The following CDH13 variants were observed in gnomAD, a reference collection of about 807,000 sequenced individuals.
CDH13 encodes cadherin-13.
In CDH13, 24 loss-of-function variants were observed where a neutral mutation model predicts 63.8. The ratio of observed to expected loss-of-function variants is 0.38; its 90% CI spans 0.27 to 0.53. The LOEUF (loss-of-function observed/expected upper bound fraction) is 0.53, where lower values mean the gene tolerates loss of function less well. Among genes scored for constraint, CDH13 ranks in the 20% least tolerant of loss-of-function variants. The pLI, the probability that CDH13 is intolerant of heterozygous loss-of-function variation, is 0.85. For synonymous variants in CDH13, 503 were observed against 355.3 expected, an observed-to-expected ratio of 1.42 and a Z score of -4.67; for missense variants, 1,049 against 903.1, an observed-to-expected ratio of 1.16 and a Z score of -2.07.
Position 82,627,575 on chromosome 16 carries a change from C to T in CDH13, c.45+438C>T, listed in dbSNP as rs537087076. On this transcript the variant is annotated intron_variant, in intron 1 of 13. Transcript: ENST00000567109. ...CCAACGCCCAGCGGCCGAAGCGCTG[C>T]TCGGGTCCGGATTGCGGGATGCGGG... Among the ~76,000 whole-genome samples the T allele has an allele frequency of 3.9e-5, 6 of 152,266 alleles. No individual in the cohort carries two copies. In the East Asian group the frequency reaches 7.8e-4, roughly 20 times the overall value.
At chr16:82,842,149 T>TATATACATAC (rs2039058692) in intron 1 of CDH13, among the ~76,000 whole-genome samples, 37 of 37,588 alleles carry the variant, frequency 9.8e-4, no homozygotes, top group African/African-American at 1.7e-3. Flanking sequence ...CACATATATA[T>TATATACATAC]ATATATATAT....
intron 5 of CDH13, among the ~76,000 whole-genome samples, chr16:83,337,621 ATTTTTTTTTTT>A (rs66957563): frequency 2.3e-4 from 12 of 52,282 alleles, no homozygotes; most frequent in East Asian, 7.7e-4. Flanking sequence ...TGACAAGCGT[ATTTTTTTTTTT>A]TTTTTTTTTT....
intron 1 of CDH13, among the ~76,000 whole-genome samples, chr16:82,770,344 A>T (rs535540924): frequency 5.3e-5 from 8 of 152,240 alleles, no homozygotes; most frequent in Non-Finnish European, 8.8e-5. Context: ...AATTAGAGAA[A>T]ATTTGGAACG....
intron 7 of CDH13, among the ~76,000 whole-genome samples, chr16:83,499,733 G>C (rs1007285648): frequency 6.6e-6 from 1 of 152,216 alleles, no homozygotes; most frequent in African/African-American, 2.4e-5. Flanking sequence ...ATGAGCTATT[G>C]CTGTTATCTG....
intron 3 of CDH13, among the ~76,000 whole-genome samples, chr16:83,111,639 G>A (rs550358105): frequency 3.3e-5 from 5 of 152,296 alleles, no homozygotes; most frequent in African/African-American, 9.6e-5. Flanking sequence ...TTACATTTAT[G>A]TTTGGTCAGA....
chr16:82,740,930 G>C (rs1171748846), intron 1 of CDH13, among the ~76,000 whole-genome samples: 1 of 152,094 alleles, frequency 6.6e-6, no homozygotes, highest in Non-Finnish European at 1.5e-5. Flanking sequence ...TTATATAAAA[G>C]AAATAACTTT....
chr16:82,842,927 G>C (rs543553761), intron 1 of CDH13, among the ~76,000 whole-genome samples: 4 of 152,236 alleles, frequency 2.6e-5, no homozygotes, highest in Admixed American at 2.0e-4. Context: ...TAATGTTATT[G>C]CTGGTCTAAC....
intron 2 of CDH13, among the ~76,000 whole-genome samples, chr16:82,919,096 A>G (rs980454287): frequency 6.6e-6 from 1 of 152,192 alleles, no homozygotes; most frequent in Non-Finnish European, 1.5e-5. Flanking sequence ...ACTCATAGTA[A>G]TTGATATGAC....
intron 6 of CDH13, among the ~76,000 whole-genome samples, chr16:83,368,937 T>TATGTAC (rs1567622155): frequency 1.5e-5 from 1 of 68,942 alleles, no homozygotes; most frequent in Non-Finnish European, 2.7e-5. Flanking sequence ...TATATATATA[T>TATGTAC]ACTAGGTTTT....
intron 2 of CDH13, among the ~76,000 whole-genome samples, chr16:82,917,788 G>A (rs776012293): frequency 7.9e-5 from 12 of 151,924 alleles, no homozygotes; most frequent in Admixed American, 1.3e-4. Context: ...GGTGGCTGGC[G>A]CCTGTTATCT....
At chr16:83,037,252 G>A (rs1453147788) in intron 3 of CDH13, among the ~76,000 whole-genome samples, 3 of 152,140 alleles carry the variant, frequency 2.0e-5, no homozygotes, top group Non-Finnish European at 4.4e-5. Flanking sequence ...CTCCCTGTGG[G>A]GTTACCGAGA....
intron 5 of CDH13, among the ~76,000 whole-genome samples, chr16:83,317,880 G>A (rs1475940758): frequency 1.3e-5 from 2 of 151,778 alleles, no homozygotes; most frequent in South Asian, 2.1e-4. Flanking sequence ...TCACAAATAC[G>A]AAGTAATCTG....
intron 6 of CDH13, among the ~76,000 whole-genome samples, chr16:83,391,001 C>G (rs924364530): frequency 6.6e-6 from 1 of 152,134 alleles, no homozygotes; most frequent in Non-Finnish European, 1.5e-5. Flanking sequence ...GATTTAATTG[C>G]TGATTCAAAC....
chr16:83,046,410 A>G (rs985132773), intron 3 of CDH13, among the ~76,000 whole-genome samples: 1 of 152,200 alleles, frequency 6.6e-6, no homozygotes, highest in Non-Finnish European at 1.5e-5. Context: ...TTCTTTCTCT[A>G]TCACACAAAG....
intron 3 of CDH13, among the ~76,000 whole-genome samples, chr16:83,117,965 C>A (rs552699977): frequency 6.6e-6 from 1 of 152,174 alleles, no homozygotes; most frequent in Non-Finnish European, 1.5e-5. Flanking sequence ...AAGATGAAGA[C>A]CTTGCTTAGC....
chr16:82,777,690 T>C (rs1049198494), intron 1 of CDH13, among the ~76,000 whole-genome samples: 2 of 152,200 alleles, frequency 1.3e-5, no homozygotes, highest in African/African-American at 2.4e-5. Context: ...TGGGCCATAA[T>C]CAAGGCTAAA....
At chr16:83,458,227 A>G (rs2073076585) in intron 6 of CDH13, among the ~76,000 whole-genome samples, 1 of 152,142 alleles carries the variant, frequency 6.6e-6, no homozygotes, top group Non-Finnish European at 1.5e-5. Flanking sequence ...TTTCTCCTGT[A>G]CTTGACACCT....
chr16:83,083,396 G>A (rs1436048495), intron 3 of CDH13, among the ~76,000 whole-genome samples: 1 of 152,146 alleles, frequency 6.6e-6, no homozygotes, highest in Non-Finnish European at 1.5e-5. Flanking sequence ...TATAAAGAAG[G>A]CAAAACAAGT....
chr16:82,997,035 G>GTGA (rs545023709), intron 2 of CDH13, among the ~76,000 whole-genome samples: 6 of 121,626 alleles, frequency 4.9e-5, no homozygotes, highest in Admixed American at 7.6e-5. Context: ...GGTGATGGTG[G>GTGA]TGATGATGAT....
Sources: gnomAD v4.1 joint callset for allele counts (sites outside exome capture counted in the v4.1 genomes callset) on GRCh38, gnomAD v4.1.1 for gene constraint, MANE v1.5 for transcripts, NCBI Gene and HGNC (gene_info 2026-07-23, HGNC 2026-07-21) for gene names.